Variants in PDE4B observed in about 807,000 individuals in gnomAD.
The protein encoded by PDE4B is phosphodiesterase 4B, also known as 3',5'-cyclic-AMP phosphodiesterase 4B.
PDE4B carries 20 observed loss-of-function variants against 82.2 expected under a neutral mutation model. The ratio of observed to expected loss-of-function variants is 0.24; its 90% CI spans 0.17 to 0.35. The LOEUF (loss-of-function observed/expected upper bound fraction) is 0.35, where lower values mean the gene tolerates loss of function less well. Among genes scored for constraint, PDE4B ranks in the 10% least tolerant of loss-of-function variants. The pLI is 1.00. For synonymous variants in PDE4B, 320 were observed against 318.9 expected (o/e 1.00, Z -0.04); for missense variants, 655 against 907.2 (o/e 0.72, Z 3.57).
intron 3 of PDE4B, among the ~76,000 whole-genome samples, chr1:66,015,164 A>C (rs1000423845): frequency 5.9e-5 from 9 of 152,220 alleles, no homozygotes; most frequent in African/African-American, 1.7e-4. Flanking sequence ...TTGTCCATTT[A>C]TGCATTCATT....
intron 7 of PDE4B, among the ~76,000 whole-genome samples, chr1:66,309,043 GAAAC>G (rs1414336986): frequency 1.3e-5 from 2 of 152,112 alleles, no homozygotes; most frequent in Admixed American, 6.6e-5. Flanking sequence ...CTGACATTTT[GAAAC>G]AAACAAACAA....
chr1:66,308,403 T>C (rs1658434360), intron 7 of PDE4B, among the ~76,000 whole-genome samples: 1 of 152,092 alleles, frequency 6.6e-6, no homozygotes, highest in Non-Finnish European at 1.5e-5. Flanking sequence ...TAGAAATCAG[T>C]GATTTTTAAT....
intron 3 of PDE4B, among the ~76,000 whole-genome samples, chr1:66,120,261 G>C (rs995521143): frequency 6.6e-6 from 1 of 152,156 alleles, no homozygotes; most frequent in Non-Finnish European, 1.5e-5. Flanking sequence ...TTCTGCAGCT[G>C]TGCCTCTCTT....
At chr1:65,911,442 A>T (rs750936335) in intron 1 of PDE4B, among the ~76,000 whole-genome samples, 3 of 152,004 alleles carry the variant, frequency 2.0e-5, no homozygotes, top group Non-Finnish European at 4.4e-5. Context: ...AGTTATAATC[A>T]TTGAGTATGT....
chr1:66,193,746 G>A (rs1184802831), intron 3 of PDE4B, among the ~76,000 whole-genome samples: 2 of 151,926 alleles, frequency 1.3e-5, no homozygotes, highest in Non-Finnish European at 1.5e-5. Flanking sequence ...CATAAATTAA[G>A]GTTATTACCT....
At chr1:65,924,077 A>ATTTATTTTTTTTTTTTTT (rs1647358164) in intron 3 of PDE4B, among the ~76,000 whole-genome samples, 1 of 40,774 alleles carries the variant, frequency 2.5e-5, no homozygotes, top group Non-Finnish European at 5.2e-5. Context: ...CAGTTTGCTA[A>ATTTATTTTTTTTTTTTTT]TTTTTTTTTT....
At chr1:66,192,180 C>G (rs141013542) in intron 3 of PDE4B, among the ~76,000 whole-genome samples, 1 of 152,118 alleles carries the variant, frequency 6.6e-6, no homozygotes, top group East Asian at 1.9e-4. Flanking sequence ...CAAAACTGTT[C>G]TATCTCTCTC....
At chr1:66,139,239 G>A (rs907017601) in intron 3 of PDE4B, among the ~76,000 whole-genome samples, 5 of 152,170 alleles carry the variant, frequency 3.3e-5, no homozygotes, top group African/African-American at 1.2e-4. Context: ...CCTTTCTGGA[G>A]GTTCTAAGGA....
chr1:65,810,849 T>C (rs1209039584), intron 1 of PDE4B, among the ~76,000 whole-genome samples: 1 of 152,224 alleles, frequency 6.6e-6, no homozygotes, highest in Non-Finnish European at 1.5e-5. Flanking sequence ...CATGCAAATA[T>C]AGTGAGTTAA....
chr1:65,976,235 T>C (rs1443534375), intron 3 of PDE4B, among the ~76,000 whole-genome samples: 1 of 152,238 alleles, frequency 6.6e-6, no homozygotes, highest in Non-Finnish European at 1.5e-5. Context: ...GACATTATTT[T>C]GCAGCTTTAA....
intron 3 of PDE4B, among the ~76,000 whole-genome samples, chr1:66,008,780 C>A (rs1000120436): frequency 1.3e-5 from 2 of 151,968 alleles, no homozygotes; most frequent in African/African-American, 4.8e-5. Flanking sequence ...TGACCAATTC[C>A]TTCACTTGGC....
chr1:66,368,184 C>T, intron 15 of PDE4B, 119 bp downstream of exon 15: 3 of 927,114 alleles, frequency 3.2e-6, no homozygotes, highest in Non-Finnish European at 4.7e-6. Flanking sequence ...ACTCCTATAG[C>T]TTAGGGCTTA....
At chr1:66,200,616 T>C (rs1352046595) in intron 3 of PDE4B, among the ~76,000 whole-genome samples, 1 of 152,178 alleles carries the variant, frequency 6.6e-6, no homozygotes, top group Non-Finnish European at 1.5e-5. Flanking sequence ...CAATTGTGAA[T>C]GGGAGTTCAC....
At chr1:66,217,918 G>A (rs1650629746) in intron 3 of PDE4B, among the ~76,000 whole-genome samples, 1 of 152,124 alleles carries the variant, frequency 6.6e-6, no homozygotes, top group Non-Finnish European at 1.5e-5. Context: ...TGGCTGGTGA[G>A]AATTTTGATA....
chr1:66,201,240 C>T (rs199579052), intron 3 of PDE4B, among the ~76,000 whole-genome samples: 2 of 152,014 alleles, frequency 1.3e-5, no homozygotes, highest in Non-Finnish European at 2.9e-5. Flanking sequence ...TTGCTGGATT[C>T]GGTTTGCCAG....
chr1:66,121,094 C>T (rs1210843475), intron 3 of PDE4B, among the ~76,000 whole-genome samples: 2 of 152,000 alleles, frequency 1.3e-5, no homozygotes, highest in Non-Finnish European at 2.9e-5. Flanking sequence ...AAGGATAGAC[C>T]AGAAAATAGT....
chr1:66,219,444 T>A (rs1650778349), intron 3 of PDE4B, among the ~76,000 whole-genome samples: 1 of 152,168 alleles, frequency 6.6e-6, no homozygotes, highest in South Asian at 2.1e-4. Context: ...CATTGTGGTT[T>A]CAGTTGTGAA....
intron 7 of PDE4B, among the ~76,000 whole-genome samples, chr1:66,320,593 T>C (rs1372814448): frequency 2.6e-5 from 4 of 152,218 alleles, no homozygotes; most frequent in Non-Finnish European, 5.9e-5. Flanking sequence ...TTTTTGGTAA[T>C]GCATAGCCCA....
At chr1:65,981,849 A>G (rs1569879009) in intron 3 of PDE4B, among the ~76,000 whole-genome samples, 1 of 152,162 alleles carries the variant, frequency 6.6e-6, no homozygotes, top group Admixed American at 6.6e-5. Context: ...CTTCCCCCCA[A>G]GAAAGGGCTG....
Sources: allele counts gnomAD v4.1 joint callset (sites outside exome capture counted in the v4.1 genomes callset), GRCh38; gene constraint gnomAD v4.1.1; transcripts MANE v1.5; gene names NCBI Gene and HGNC (gene_info 2026-07-23, HGNC 2026-07-21).